PRDM14: variants seen among roughly 807,000 people sequenced by gnomAD.
The protein encoded by PRDM14 is PR/SET domain 14.
In PRDM14, 16 loss-of-function variants were observed where a neutral mutation model predicts 48.0. The observed-to-expected ratio is 0.33, with a 90% CI of 0.23 to 0.51. The LOEUF (loss-of-function observed/expected upper bound fraction) is 0.51, where lower values mean the gene tolerates loss of function less well. Ranked by LOEUF, PRDM14 falls within the 20% of genes least tolerant of loss-of-function variation. The probability of loss-of-function intolerance (pLI) is 0.97; values close to 1 mark genes in which losing one functional copy is unlikely to be tolerated. For missense variants in PRDM14, 566 were observed against 719.6 expected, an observed-to-expected ratio of 0.79 and a Z score of 2.44; for synonymous variants, 264 against 276.6, an observed-to-expected ratio of 0.95 and a Z score of 0.45.
chr8:70,064,705 T>TTAG (rs1805638770), intron 5 of PRDM14, among the ~76,000 whole-genome samples: 1 of 151,512 alleles, frequency 6.6e-6, no homozygotes, highest in South Asian at 2.1e-4. Context: ...TTTTGTATTT[T>TTAG]TAGTAGAGAA....
chr8:70,058,353 C>T (rs1236779509), intron 6 of PRDM14, among the ~76,000 whole-genome samples: 1 of 152,206 alleles, frequency 6.6e-6, no homozygotes, highest in African/African-American at 2.4e-5. Flanking sequence ...CTATACTTGG[C>T]TCAAGGCCAC....
intron 6 of PRDM14, among the ~76,000 whole-genome samples, chr8:70,057,611 C>T (rs1472916093): frequency 1.3e-5 from 2 of 152,146 alleles, no homozygotes; most frequent in East Asian, 3.9e-4. Flanking sequence ...AGATTACAGG[C>T]GTGAGCCACT....
intron 6 of PRDM14, among the ~76,000 whole-genome samples, chr8:70,055,992 T>C (rs912466655): frequency 6.6e-6 from 1 of 152,218 alleles, no homozygotes; most frequent in African/African-American, 2.4e-5. Context: ...CACAGAGCTA[T>C]GAGTAAACTA....
intron 5 of PRDM14, among the ~76,000 whole-genome samples, chr8:70,061,341 C>T (rs1805578163): frequency 6.6e-6 from 1 of 152,172 alleles, no homozygotes. Flanking sequence ...CAAGAGTCTG[C>T]AGATAGAAAT....
At chr8:70,064,471 T>C (rs1304025729) in intron 5 of PRDM14, among the ~76,000 whole-genome samples, 2 of 151,810 alleles carry the variant, frequency 1.3e-5, no homozygotes, top group Non-Finnish European at 2.9e-5. Flanking sequence ...GGTTATTTCC[T>C]GCCCTGAAGC....
intron 7 of PRDM14, 122 bp from the exon 8 acceptor site, chr8:70,052,426 G>T: frequency 1.4e-6 from 1 of 695,322 alleles, no homozygotes; most frequent in Non-Finnish European, 2.4e-6. Context: ...GGGTTTTAAG[G>T]CCATAGAGCA....
intron 6 of PRDM14, among the ~76,000 whole-genome samples, chr8:70,058,073 G>C (rs1805508266): frequency 6.6e-6 from 1 of 152,192 alleles, no homozygotes; most frequent in Non-Finnish European, 1.5e-5. Flanking sequence ...GCCTAGCAGA[G>C]CATCCAGGTA....
chr8:70,070,000 A>G, intron 1 of PRDM14, 116 bp from the exon 2 acceptor site: 1 of 618,194 alleles, frequency 1.6e-6, no homozygotes, highest in Non-Finnish European at 2.8e-6. Context: ...GGAACAGGAT[A>G]AACGCCCCCA....
intron 4 of PRDM14, 25 bp from the exon 5 acceptor site, chr8:70,066,530 T>G: frequency 6.3e-7 from 1 of 1,580,024 alleles, no homozygotes; most frequent in Non-Finnish European, 8.6e-7. Context: ...ACATGAAGTT[T>G]GTATTGTACT....
In PRDM14 at chr8:70,052,057, A is replaced by C; in HGVS notation, c.*20T>G. 6.5e-7 allele frequency: 1 copy of C among 1,538,024 alleles called. No individual in the cohort carries two copies. ...CCAAAGTGCTGGGATTACAGGCGTG[A>C]GTCATTGTGCCTGGCAGGGCTAGTA... is the stretch of plus-strand genomic sequence containing the variant. On this transcript the variant is annotated 3_prime_UTR_variant, in exon 8 of 8. Coordinates refer to ENST00000276594, the MANE Select transcript of PRDM14 (RefSeq NM_024504.4).
intron 6 of PRDM14, among the ~76,000 whole-genome samples, chr8:70,058,207 C>CAGATTTGGA (rs1254839777): frequency 1.8e-4 from 27 of 152,316 alleles, no homozygotes; most frequent in Middle Eastern, 3.4e-3. Flanking sequence ...TACCTGTCAA[C>CAGATTTGGA]ACACCTGCAC....
At chr8:70,056,051 C>T (rs1220764147) in intron 6 of PRDM14, among the ~76,000 whole-genome samples, 2 of 152,158 alleles carry the variant, frequency 1.3e-5, no homozygotes, top group East Asian at 3.8e-4. Flanking sequence ...TACAGAGTAC[C>T]TACTGTGTGC....
chr8:70,062,742 AG>A (rs1241188327), intron 5 of PRDM14, among the ~76,000 whole-genome samples: 2 of 152,200 alleles, frequency 1.3e-5, no homozygotes, highest in African/African-American at 2.4e-5. Flanking sequence ...CTGGGATTAC[AG>A]GCATGAGCCA....
In PRDM14 at chr8:70,058,728, G is replaced by A; in HGVS notation, c.1298C>T (p.Pro433Leu). 1.2e-6 allele frequency: 2 copies of A among 1,614,066 alleles called. No individual in the cohort carries two copies. Among genetic ancestry groups the A allele is most frequent in the Non-Finnish European group, 1.7e-6 (2 of 1,179,982 alleles). Residue 433 changes from proline to leucine, a missense_variant, in exon 6 of 8, where the codon CCC (proline) becomes CTC (leucine). Pro to Leu is a moderately conservative substitution (Grantham distance 98, BLOSUM62 -3). Transcript: ENST00000276594. The stretch of plus-strand genomic sequence containing the variant: ...AAAGGATCGTTTGCAGAGAGAACAG[G>A]GAAATTTCCTATCGCCCTTGTCCAC... ...PCVDKGDRKF[P>L]CSLCKRSFEK...
intron 6 of PRDM14, among the ~76,000 whole-genome samples, 178 bp downstream of exon 6, chr8:70,058,462 A>G (rs1805518016): frequency 6.6e-6 from 1 of 152,180 alleles, no homozygotes; most frequent in Admixed American, 6.6e-5. Flanking sequence ...ACACATGTGC[A>G]TCGCTGTGCC....
At chr8:70,056,552 G>A (rs1805475152) in intron 6 of PRDM14, among the ~76,000 whole-genome samples, 1 of 151,932 alleles carries the variant, frequency 6.6e-6, no homozygotes, top group Non-Finnish European at 1.5e-5. Flanking sequence ...CATGATCTCG[G>A]CCCACCGCAA....
At chr8:70,069,124 T>C in intron 2 of PRDM14, 37 bp downstream of exon 2, 2 of 1,435,764 alleles carry the variant, frequency 1.4e-6, no homozygotes, top group African/African-American at 2.9e-5. Flanking sequence ...TGCATTCCCG[T>C]CCAATTCGAC....
In PRDM14 at chr8:70,064,575, T is replaced by A. The variant is rs556316547; in HGVS notation, c.1183+1660A>T. Among the ~76,000 whole-genome samples, 28 of 148,508 alleles carry A rather than the reference T, an allele frequency of 1.9e-4. 1 individual carries two copies. Among genetic ancestry groups the A allele is most frequent in the East Asian group, 2.0e-4 (1 of 4,984 alleles). ...AATCTCGCTCTGTCGCCCAGGCTGG[T>A]GTGCAGTGGCGCAATCTCAGCTCAC... On this transcript the variant is annotated intron_variant, in intron 5 of 7. Transcript: ENST00000276594.
In PRDM14 at chr8:70,069,730, G is replaced by C. The variant is rs1805735153; in HGVS notation, c.131C>G (p.Ala44Gly). ...PSYGHYRNSLATVEEDFQPFR... is the reference protein window; with the variant it reads ...PSYGHYRNSLGTVEEDFQPFR... ...AGGTTGGAAGTCTTCCTCCACGGTG[G>C]CCAGGCTGTTTCTGTAGTGTCCATA... The change falls in exon 2 of 8, where the codon GCC becomes GGC. Residue 44 changes from alanine (A) to glycine (G), a missense_variant. This residue lies in a region of PRDM14 where 410 missense variants were observed against 424.6 expected (regional missense o/e 0.97). Coordinates refer to ENST00000276594, the MANE Select transcript of PRDM14 (RefSeq NM_024504.4). 6.3e-7 allele frequency: 1 copy of C among 1,594,406 alleles called. No homozygotes were observed. Among genetic ancestry groups the C allele is most frequent in the African/African-American group, 1.3e-5 (1 of 74,764 alleles).
Sources: gnomAD v4.1 joint callset for allele counts (sites outside exome capture counted in the v4.1 genomes callset) on GRCh38, gnomAD v4.1.1 for gene constraint, gnomAD v4.1.1 regional missense constraint, MANE v1.5 for transcripts, NCBI Gene and HGNC (gene_info 2026-07-23, HGNC 2026-07-21) for gene names.